The following ACTR3C variants were observed in gnomAD, a reference collection of about 807,000 sequenced individuals.
ACTR3C encodes actin related protein 3C.
A neutral mutation model predicts 26.3 loss-of-function variants in ACTR3C; 18 were observed. The observed-to-expected ratio is 0.68, with a 90% CI of 0.47 to 1.01. The LOEUF (loss-of-function observed/expected upper bound fraction) is 1.01. Ranked by LOEUF, ACTR3C falls within the 50% of genes least tolerant of loss-of-function variation. ACTR3C has a pLI of 0.00. For synonymous variants in ACTR3C, 55 were observed against 94.5 expected, an observed-to-expected ratio of 0.58 and a Z score of 2.42; for missense variants, 184 against 250.7, an observed-to-expected ratio of 0.73 and a Z score of 1.80.
At chr7:150,297,851 CAAAAAA>C (rs35970305) in intron 1 of ACTR3C, among the ~76,000 whole-genome samples, 11 of 87,138 alleles carry the variant, frequency 1.3e-4, no homozygotes, top group Admixed American at 4.4e-4. Flanking sequence ...GACTCCGTCT[CAAAAAA>C]AAAAAAAAAA....
chr7:149,920,869 C>T, the ACTR3C span, among the ~76,000 whole-genome samples: 9 of 151,952 alleles, frequency 5.9e-5, no homozygotes, highest in South Asian at 2.1e-4. Context: ...CAGGTTCAAG[C>T]GATTCTCCTG....
intron 6 of ACTR3C, among the ~76,000 whole-genome samples, chr7:150,249,444 T>A (rs755488224): frequency 2.0e-5 from 3 of 152,082 alleles, no homozygotes; most frequent in Non-Finnish European, 2.9e-5. Context: ...TATTTTTGTT[T>A]TTTATTTATT....
chr7:149,892,393 C>G, the ACTR3C span: 25 of 1,536,402 alleles, frequency 1.6e-5, no homozygotes, highest in Non-Finnish European at 2.1e-5. Flanking sequence ...TCTCTGATGG[C>G]AATACCTTAA....
the ACTR3C span, among the ~76,000 whole-genome samples, chr7:149,956,229 T>C: frequency 6.6e-6 from 1 of 152,212 alleles, no homozygotes; most frequent in Non-Finnish European, 1.5e-5. Flanking sequence ...GTGTATAGAC[T>C]AGCTCTATAA....
At chr7:150,120,921 G>T in the ACTR3C span, among the ~76,000 whole-genome samples, 1 of 152,040 alleles carries the variant, frequency 6.6e-6, no homozygotes, top group Non-Finnish European at 1.5e-5. Context: ...GGGATGTAAG[G>T]GTGGTTCAAC....
At chr7:150,164,102 G>A in the ACTR3C span, among the ~76,000 whole-genome samples, 12 of 152,040 alleles carry the variant, frequency 7.9e-5, no homozygotes, top group Admixed American at 7.9e-4. Flanking sequence ...AAGCCAGTGT[G>A]GAGAAGGGGA....
At chr7:150,179,631 C>T in the ACTR3C span, among the ~76,000 whole-genome samples, 22 of 149,904 alleles carry the variant, frequency 1.5e-4, no homozygotes, top group African/African-American at 5.0e-4. Flanking sequence ...ACTAGAGGGG[C>T]GTACCACCAC....
the ACTR3C span, among the ~76,000 whole-genome samples, chr7:150,079,861 A>C: frequency 3.9e-4 from 60 of 152,154 alleles, no homozygotes; most frequent in Non-Finnish European, 1.2e-4. Flanking sequence ...CTAGATCCCC[A>C]AATCCTCCTC....
chr7:150,149,077 GAGTATATATATA>G, the ACTR3C span, among the ~76,000 whole-genome samples: 1 of 61,106 alleles, frequency 1.6e-5, no homozygotes, highest in Non-Finnish European at 3.1e-5. Flanking sequence ...AATAAAGTTT[GAGTATATATATA>G]TATATATATA....
At chr7:150,042,384 G>C in the ACTR3C span, among the ~76,000 whole-genome samples, 289 of 147,490 alleles carry the variant, frequency 2.0e-3, no homozygotes, top group Non-Finnish European at 3.7e-3. Context: ...AAGAGCAAAG[G>C]GGGGAAGAGG....
At chr7:149,958,846 A>G in the ACTR3C span, among the ~76,000 whole-genome samples, 2 of 152,262 alleles carry the variant, frequency 1.3e-5, no homozygotes, top group Admixed American at 1.3e-4. Flanking sequence ...TTGGCATCTT[A>G]GGAACACTGG....
the ACTR3C span, among the ~76,000 whole-genome samples, chr7:149,901,842 T>C: frequency 7.9e-6 from 1 of 127,370 alleles, no homozygotes; most frequent in African/African-American, 3.1e-5. Context: ...ACCCAGGAGG[T>C]GAAGGTTGCA....
the ACTR3C span, among the ~76,000 whole-genome samples, chr7:149,987,779 C>T: frequency 2.7e-5 from 4 of 150,834 alleles, no homozygotes; most frequent in East Asian, 7.8e-4. Context: ...CAGTGAGCAA[C>T]GCTAAAGAAG....
At chr7:150,134,361 G>C in the ACTR3C span, among the ~76,000 whole-genome samples, 4 of 152,170 alleles carry the variant, frequency 2.6e-5, no homozygotes, top group African/African-American at 9.6e-5. Flanking sequence ...ACAGCAGAGG[G>C]AAGACGAGGG....
chr7:150,292,383 G>A (rs1836340005), intron 3 of ACTR3C, among the ~76,000 whole-genome samples: 1 of 152,034 alleles, frequency 6.6e-6, no homozygotes. Context: ...TGGACCAAAA[G>A]AAAAATTCAG....
chr7:149,945,324 TCCCA>T, the ACTR3C span, among the ~76,000 whole-genome samples: 18 of 140,446 alleles, frequency 1.3e-4, no homozygotes, highest in Admixed American at 2.2e-4. Context: ...AGTGACAACC[TCCCA>T]GCAAGGGAGG....
the ACTR3C span, among the ~76,000 whole-genome samples, chr7:150,175,297 C>G: frequency 1.4e-5 from 2 of 146,200 alleles, no homozygotes; most frequent in Admixed American, 1.3e-4. Context: ...CCAGAATTTT[C>G]CTGGTAAACA....
chr7:150,177,577 A>G, the ACTR3C span, among the ~76,000 whole-genome samples: 1 of 150,916 alleles, frequency 6.6e-6, no homozygotes, highest in Non-Finnish European at 1.5e-5. Flanking sequence ...ATAATTTTCT[A>G]AGATGTGATA....
the ACTR3C span, among the ~76,000 whole-genome samples, chr7:150,166,658 C>T: frequency 1.1e-4 from 16 of 150,112 alleles, 2 homozygotes; most frequent in African/African-American, 4.0e-4. Flanking sequence ...AAGATGGTGC[C>T]GCTACACTCC....
Sources: gnomAD v4.1 joint callset for allele counts (sites outside exome capture counted in the v4.1 genomes callset) on GRCh38, gnomAD v4.1.1 for gene constraint, MANE v1.5 for transcripts, NCBI Gene and HGNC (gene_info 2026-07-23, HGNC 2026-07-21) for gene names.